PARP8: variants seen among roughly 807,000 people sequenced by gnomAD.
The protein encoded by PARP8 is poly(ADP-ribose) polymerase family member 8, also known as protein mono-ADP-ribosyltransferase PARP8.
In PARP8, 51 loss-of-function variants were observed where a neutral mutation model predicts 124.1. The observed-to-expected ratio is 0.41, with a 90% CI of 0.33 to 0.52. The LOEUF is 0.52. PARP8 is among the 20% of genes least tolerant of loss of function. The pLI is 0.21. For synonymous variants in PARP8, 391 were observed against 361.5 expected (o/e 1.08, Z -0.93); for missense variants, 860 against 1,018.9 (o/e 0.84, Z 2.12).
chr5:50,741,344 AAG>A (rs1166866144), intron 2 of PARP8, among the ~76,000 whole-genome samples: 4 of 152,218 alleles, frequency 2.6e-5, no homozygotes, highest in African/African-American at 9.6e-5. Flanking sequence ...AGTAAAGAAA[AAG>A]AGAGAAGCAC....
At chr5:50,749,048 C>G (rs1758928376) in intron 2 of PARP8, among the ~76,000 whole-genome samples, 1 of 152,092 alleles carries the variant, frequency 6.6e-6, no homozygotes, top group Non-Finnish European at 1.5e-5. Context: ...TCCTTTACAT[C>G]CTTAAGTATA....
intron 2 of PARP8, among the ~76,000 whole-genome samples, chr5:50,715,363 T>G (rs1394434044): frequency 6.6e-6 from 1 of 152,082 alleles, no homozygotes; most frequent in Non-Finnish European, 1.5e-5. Flanking sequence ...TCCTATGAAT[T>G]CACCTATATT....
At chr5:50,675,529 ACTCAGGTGAC>A (rs749724829) in intron 2 of PARP8, among the ~76,000 whole-genome samples, 3 of 152,154 alleles carry the variant, frequency 2.0e-5, no homozygotes, top group Non-Finnish European at 4.4e-5. Flanking sequence ...TTGGTCTCGA[ACTCAGGTGAC>A]CTCAGGTGAT....
intron 1 of PARP8, chr5:50,667,652 C>T: frequency 1.4e-6 from 1 of 699,622 alleles, no homozygotes; most frequent in Non-Finnish European, 2.6e-6. Flanking sequence ...CTCGGCCCAT[C>T]TCCGGCCCCT....
intron 2 of PARP8, among the ~76,000 whole-genome samples, chr5:50,695,290 G>A (rs1256858157): frequency 1.3e-5 from 2 of 152,190 alleles, no homozygotes; most frequent in Non-Finnish European, 2.9e-5. Context: ...CAGTCATCAT[G>A]TAGATCTGAA....
chr5:50,822,180 G>A (rs1745832526), intron 16 of PARP8, among the ~76,000 whole-genome samples, 155 bp from the exon 17 acceptor site: 1 of 152,084 alleles, frequency 6.6e-6, no homozygotes, highest in South Asian at 2.1e-4. Context: ...TCTTATTATA[G>A]TCTTCCCTTT....
intron 7 of PARP8, among the ~76,000 whole-genome samples, chr5:50,775,968 G>A (rs1471560777): frequency 6.6e-6 from 1 of 152,080 alleles, no homozygotes; most frequent in Admixed American, 6.5e-5. Context: ...TCCTTGTCTT[G>A]TTCCCATATT....
chr5:50,693,823 A>C (rs1418482096), intron 2 of PARP8, among the ~76,000 whole-genome samples: 2 of 151,444 alleles, frequency 1.3e-5, no homozygotes, highest in African/African-American at 2.4e-5. Context: ...AAATTATACA[A>C]TCAATTATTA....
chr5:50,762,981 C>T (rs181794918), intron 6 of PARP8, among the ~76,000 whole-genome samples, 167 bp from the exon 7 acceptor site: 162 of 152,292 alleles, frequency 1.1e-3, no homozygotes, highest in African/African-American at 3.8e-3. Flanking sequence ...CAACCATAAT[C>T]AATTTTTCTA....
At chr5:50,707,851 C>T (rs1160883502) in intron 2 of PARP8, among the ~76,000 whole-genome samples, 2 of 152,020 alleles carry the variant, frequency 1.3e-5, no homozygotes, top group African/African-American at 4.8e-5. Flanking sequence ...GCGTGAGTTG[C>T]ACTTTATTGA....
At chr5:50,796,821 A>G (rs1276022892) in intron 12 of PARP8, among the ~76,000 whole-genome samples, 161 bp from the exon 13 acceptor site, 9 of 152,176 alleles carry the variant, frequency 5.9e-5, no homozygotes, top group Non-Finnish European at 1.3e-4. Context: ...TAATAGAGTG[A>G]ATAAAAAAGT....
intron 2 of PARP8, among the ~76,000 whole-genome samples, chr5:50,734,150 CT>C (rs1001978669): frequency 6.6e-6 from 1 of 152,064 alleles, no homozygotes; most frequent in Non-Finnish European, 1.5e-5. Flanking sequence ...CTCCATCTTC[CT>C]TTTTTACGGC....
chr5:50,732,387 A>C (rs1757056716), intron 2 of PARP8, among the ~76,000 whole-genome samples: 2 of 152,250 alleles, frequency 1.3e-5, no homozygotes, highest in Admixed American at 1.3e-4. Flanking sequence ...GTTTTAAGTT[A>C]TAAATGCAAA....
chr5:50,700,683 G>T (rs779694532), intron 2 of PARP8, among the ~76,000 whole-genome samples: 6 of 152,140 alleles, frequency 3.9e-5, no homozygotes, highest in Non-Finnish European at 7.4e-5. Context: ...TTAACTGTTT[G>T]CAGTCTCTTG....
chr5:50,802,565 C>T (rs1463576126), intron 14 of PARP8, among the ~76,000 whole-genome samples: 1 of 152,136 alleles, frequency 6.6e-6, no homozygotes, highest in Admixed American at 6.5e-5. Flanking sequence ...TCAAATGATT[C>T]TCCCTTCTCC....
At chr5:50,722,924 T>C (rs1156610141) in intron 2 of PARP8, among the ~76,000 whole-genome samples, 6 of 152,152 alleles carry the variant, frequency 3.9e-5, no homozygotes, top group Admixed American at 6.6e-5. Context: ...CTAATTGTGT[T>C]GCTTTATAGC....
At chr5:50,764,942 G>T (rs959488093) in intron 7 of PARP8, among the ~76,000 whole-genome samples, 7 of 151,282 alleles carry the variant, frequency 4.6e-5, no homozygotes, top group Non-Finnish European at 1.0e-4. Flanking sequence ...ATACAACATA[G>T]ACTTCAACTT....
At chr5:50,837,498 T>TG (rs1376938368) in intron 25 of PARP8, among the ~76,000 whole-genome samples, 1 of 152,150 alleles carries the variant, frequency 6.6e-6, no homozygotes, top group African/African-American at 2.4e-5. Flanking sequence ...TTTTAATTTT[T>TG]TGATACATTA....
In PARP8 at chr5:50,797,189, G is replaced by A; in HGVS notation, c.1531G>A (p.Val511Ile). Reference sequence around the variant, plus strand: ...CCCTGTATTAAATGAATATTGTGTGGTTTGTGATGAGCCACATGTGTTTCA... The same window carrying A: ...CCCTGTATTAAATGAATATTGTGTGATTTGTGATGAGCCACATGTGTTTCA... Reference protein sequence around the residue: ...RIPVLNEYCVVCDEPHVFQNG... With the variant: ...RIPVLNEYCVICDEPHVFQNG... Residue 511 changes from valine (V) to isoleucine (I), a missense_variant, in exon 14 of 26, where the codon GTT (valine) becomes ATT (isoleucine). This residue lies in a region of PARP8 where 343 missense variants were observed against 474.7 expected (regional missense o/e 0.72). Transcript: ENST00000281631. 6.2e-7 allele frequency: 1 copy of A among 1,612,758 alleles called. No individual in the cohort carries two copies. Among genetic ancestry groups the A allele is most frequent in the Non-Finnish European group, 8.5e-7 (1 of 1,179,236 alleles).
Sources: allele counts gnomAD v4.1 joint callset (sites outside exome capture counted in the v4.1 genomes callset), GRCh38; gene constraint gnomAD v4.1.1; regional missense constraint gnomAD v4.1.1; transcripts MANE v1.5; gene names NCBI Gene and HGNC (gene_info 2026-07-23, HGNC 2026-07-21).